THSD7B: variants seen among roughly 807,000 people sequenced by gnomAD.
The protein encoded by THSD7B is thrombospondin type-1 domain-containing protein 7B.
THSD7B carries 138 observed loss-of-function variants against 213.6 expected under a neutral mutation model. The ratio of observed to expected loss-of-function variants is 0.65; its 90% CI spans 0.56 to 0.74. The LOEUF is 0.74. THSD7B is among the 30% of genes least tolerant of loss of function. THSD7B has a pLI of 0.00. For synonymous variants in THSD7B, 742 were observed against 687.0 expected (o/e 1.08, Z -1.25); for missense variants, 1,931 against 1,991.5 (o/e 0.97, Z 0.58).
At chr2:136,844,484 G>GAC (rs1558823822) in intron 1 of THSD7B, among the ~76,000 whole-genome samples, 1 of 149,530 alleles carries the variant, frequency 6.7e-6, no homozygotes, top group Admixed American at 6.6e-5. Flanking sequence ...GAGAGAGAGA[G>GAC]AGAGAGAGAG....
At chr2:137,315,442 A>G (rs1279603057) in intron 12 of THSD7B, among the ~76,000 whole-genome samples, 1 of 152,084 alleles carries the variant, frequency 6.6e-6, no homozygotes, top group Non-Finnish European at 1.5e-5. Flanking sequence ...GATACCTCAG[A>G]TGGAAATGGA....
intron 12 of THSD7B, among the ~76,000 whole-genome samples, chr2:137,286,588 C>T (rs1683187988): frequency 6.6e-6 from 1 of 151,992 alleles, no homozygotes; most frequent in African/African-American, 2.4e-5. Context: ...ACATCAGAAG[C>T]AAAAAGTCAT....
intron 1 of THSD7B, among the ~76,000 whole-genome samples, chr2:136,856,921 T>C (rs923000936): frequency 6.6e-6 from 1 of 152,256 alleles, no homozygotes; most frequent in Admixed American, 6.5e-5. Flanking sequence ...AGAGAGAAAG[T>C]GATCTAAGAT....
intron 12 of THSD7B, among the ~76,000 whole-genome samples, chr2:137,390,779 T>G (rs1686006630): frequency 1.3e-5 from 2 of 152,214 alleles, no homozygotes; most frequent in South Asian, 4.1e-4. Flanking sequence ...TTCTGTCTAT[T>G]GAGATGATCA....
intron 2 of THSD7B, among the ~76,000 whole-genome samples, chr2:137,049,253 A>T (rs1196660513): frequency 6.7e-6 from 1 of 149,248 alleles, no homozygotes; most frequent in South Asian, 2.4e-4. Context: ...TCGGCCCCAC[A>T]CACCAGCTGC....
intron 12 of THSD7B, among the ~76,000 whole-genome samples, chr2:137,329,938 G>T (rs1684459394): frequency 6.6e-6 from 1 of 152,184 alleles, no homozygotes; most frequent in Non-Finnish European, 1.5e-5. Context: ...CCTGGTCTGG[G>T]CCCTCCTGCT....
chr2:137,292,778 G>A (rs1326202122), intron 12 of THSD7B, among the ~76,000 whole-genome samples: 2 of 152,100 alleles, frequency 1.3e-5, no homozygotes, highest in African/African-American at 4.8e-5. Flanking sequence ...ATTTTAGCCT[G>A]CCAGCTATCT....
chr2:137,262,915 A>G (rs1246654230), intron 10 of THSD7B, among the ~76,000 whole-genome samples: 1 of 152,180 alleles, frequency 6.6e-6, no homozygotes, highest in African/African-American at 2.4e-5. Flanking sequence ...TGCAGCTGGA[A>G]TTAGACACAA....
chr2:137,586,441 T>C (rs1172622726), intron 17 of THSD7B, among the ~76,000 whole-genome samples: 1 of 152,234 alleles, frequency 6.6e-6, no homozygotes, highest in Non-Finnish European at 1.5e-5. Context: ...CGATGGTCTT[T>C]ACAATTTGGC....
intron 15 of THSD7B, among the ~76,000 whole-genome samples, chr2:137,467,029 C>T (rs1453291): frequency 0.68 from 102,625 of 151,874 alleles, 34,987 homozygotes; most frequent in East Asian, 0.86. Flanking sequence ...CCCAATGCCT[C>T]CCCAGCTCCC....
At chr2:136,821,091 C>A (rs763885737) in intron 1 of THSD7B, among the ~76,000 whole-genome samples, 4 of 152,096 alleles carry the variant, frequency 2.6e-5, no homozygotes, top group Non-Finnish European at 4.4e-5. Flanking sequence ...ATTGAATATT[C>A]TTGCAACCTT....
At chr2:137,404,213 A>G (rs1215780135) in intron 12 of THSD7B, among the ~76,000 whole-genome samples, 1 of 151,758 alleles carries the variant, frequency 6.6e-6, no homozygotes, top group Non-Finnish European at 1.5e-5. Context: ...AGAAACTTTG[A>G]AAAGCTATAA....
At chr2:136,993,103 G>A (rs1685818355) in intron 2 of THSD7B, among the ~76,000 whole-genome samples, 1 of 152,204 alleles carries the variant, frequency 6.6e-6, no homozygotes, top group African/African-American at 2.4e-5. Context: ...GATTCATAAA[G>A]TGGAGAAACA....
At chr2:137,002,202 C>T (rs1373242167) in intron 2 of THSD7B, among the ~76,000 whole-genome samples, 4 of 152,166 alleles carry the variant, frequency 2.6e-5, no homozygotes, top group Non-Finnish European at 5.9e-5. Context: ...AGTTCCTCCT[C>T]AGAATTATTT....
chr2:137,071,086 A>G (rs370598833), intron 3 of THSD7B, among the ~76,000 whole-genome samples: 1 of 152,064 alleles, frequency 6.6e-6, no homozygotes, highest in South Asian at 2.1e-4. Flanking sequence ...CCAGTAATGG[A>G]ATGGCTGGGT....
At chr2:137,512,323 G>A (rs946538814) in intron 15 of THSD7B, 1 of 148,212 alleles carries the variant, frequency 6.7e-6, no homozygotes. Context: ...ATCATTCATG[G>A]TATCAGAATA....
At chr2:137,025,555 C>G (rs748175705) in intron 2 of THSD7B, among the ~76,000 whole-genome samples, 1 of 152,118 alleles carries the variant, frequency 6.6e-6, no homozygotes, top group African/African-American at 2.4e-5. Flanking sequence ...TATTTGCACA[C>G]ACTCAAAGTT....
intron 2 of THSD7B, among the ~76,000 whole-genome samples, chr2:137,011,024 C>T (rs1335955317): frequency 6.6e-6 from 1 of 152,048 alleles, no homozygotes; most frequent in Non-Finnish European, 1.5e-5. Flanking sequence ...ATGTTATTAG[C>T]CTTTCATTAG....
intron 2 of THSD7B, among the ~76,000 whole-genome samples, chr2:136,893,295 G>A (rs1041795812): frequency 4.6e-5 from 7 of 152,276 alleles, no homozygotes; most frequent in South Asian, 2.1e-4. Flanking sequence ...TTAGATGATT[G>A]GGAGTTGAAT....
Sources: allele counts gnomAD v4.1 joint callset (sites outside exome capture counted in the v4.1 genomes callset), GRCh38; gene constraint gnomAD v4.1.1; transcripts MANE v1.5; gene names NCBI Gene and HGNC (gene_info 2026-07-23, HGNC 2026-07-21).